CRACD: variants seen among roughly 807,000 people sequenced by gnomAD.
CRACD encodes the protein capping protein-inhibiting regulator of actin dynamics.
In CRACD, 56 loss-of-function variants were observed where a neutral mutation model predicts 106.8. The ratio of observed to expected loss-of-function variants is 0.52; its 90% CI spans 0.42 to 0.66. The LOEUF (loss-of-function observed/expected upper bound fraction) is 0.66, where lower values mean the gene tolerates loss of function less well. Ranked by LOEUF, CRACD falls within the 30% of genes least tolerant of loss-of-function variation. CRACD has a pLI of 0.00. For missense variants in CRACD, 1,730 were observed against 1,623.2 expected (o/e 1.07, Z -1.13); for synonymous variants, 754 against 670.8 (o/e 1.12, Z -1.92).
intron 3 of CRACD, among the ~76,000 whole-genome samples, chr4:56,295,660 CATATATATATATATATAT>C (rs57635563): frequency 0.059 from 6,427 of 108,958 alleles, 389 homozygotes; most frequent in African/African-American, 0.12. Flanking sequence ...AATTAGTAAA[CATATATATATATATATAT>C]ATATATATAT....
intron 1 of CRACD, among the ~76,000 whole-genome samples, chr4:56,053,189 C>G (rs943086611): frequency 3.9e-5 from 6 of 152,170 alleles, no homozygotes; most frequent in Admixed American, 6.5e-5. Context: ...CAAAATGAAG[C>G]CTTACAAGCT....
intron 3 of CRACD, among the ~76,000 whole-genome samples, chr4:56,291,414 C>T (rs1743697104): frequency 6.6e-6 from 1 of 152,150 alleles, no homozygotes; most frequent in Non-Finnish European, 1.5e-5. Flanking sequence ...CATGGTTCCA[C>T]CAAGCTCTGT....
At chr4:56,299,552 C>T (rs1744244794) in intron 4 of CRACD, among the ~76,000 whole-genome samples, 1 of 152,062 alleles carries the variant, frequency 6.6e-6, no homozygotes, top group Admixed American at 6.5e-5. Flanking sequence ...TGCCTGTAGT[C>T]CCAGCTTCTC....
intron 2 of CRACD, among the ~76,000 whole-genome samples, chr4:56,246,915 A>T (rs11930921): frequency 2.1e-3 from 325 of 152,324 alleles, no homozygotes; most frequent in African/African-American, 7.4e-3. Context: ...TATTAGTGCT[A>T]GTACTGGTAT....
Position 56,192,765 on chromosome 4 carries a change from C to A in CRACD, c.-189+13335C>A, listed in dbSNP as rs1737434938. On this transcript the variant is annotated intron_variant, in intron 2 of 10. Transcript: ENST00000682029. Reference sequence around the variant, plus strand: ...CCGGATTTTAAGTAGAATGAGAAGACCTTTTCCTGATCTGAAAAAAAGTGA... The same window carrying A: ...CCGGATTTTAAGTAGAATGAGAAGAACTTTTCCTGATCTGAAAAAAAGTGA... 3.3e-5 allele frequency among the ~76,000 whole-genome samples: 5 copies of A among 152,250 alleles called. No individual in the cohort carries two copies. In the South Asian group the frequency reaches 1.0e-3, roughly 32 times the overall value.
chr4:56,050,603 T>C (rs1178604244), intron 1 of CRACD, among the ~76,000 whole-genome samples: 1 of 152,190 alleles, frequency 6.6e-6, no homozygotes, highest in African/African-American at 2.4e-5. Flanking sequence ...CACTACTGTC[T>C]CCTTTATCCT....
chr4:56,287,657 G>C (rs1257565270), intron 3 of CRACD, among the ~76,000 whole-genome samples: 3 of 152,042 alleles, frequency 2.0e-5, no homozygotes, highest in African/African-American at 4.8e-5. Context: ...GAACTCCTGG[G>C]TTCAAACTAT....
intron 2 of CRACD, among the ~76,000 whole-genome samples, chr4:56,220,424 C>G (rs1420876126): frequency 6.6e-6 from 1 of 152,028 alleles, no homozygotes; most frequent in African/African-American, 2.4e-5. Context: ...GGTGTATGCC[C>G]AAGGATAAGT....
At chr4:56,114,573 C>A (rs895240493) in intron 1 of CRACD, among the ~76,000 whole-genome samples, 2 of 152,084 alleles carry the variant, frequency 1.3e-5, no homozygotes, top group East Asian at 3.9e-4. Flanking sequence ...AGAAAACAGA[C>A]CTTTTCTTAA....
chr4:56,186,116 T>C (rs1186039369), intron 2 of CRACD, among the ~76,000 whole-genome samples: 1 of 152,230 alleles, frequency 6.6e-6, no homozygotes, highest in Non-Finnish European at 1.5e-5. Flanking sequence ...CAAGATGAGT[T>C]GCACAGATGA....
chr4:56,125,764 C>CTTTTTTTTTTT (rs11289899), intron 1 of CRACD, among the ~76,000 whole-genome samples: 9 of 73,298 alleles, frequency 1.2e-4, no homozygotes, highest in Admixed American at 1.7e-4. Flanking sequence ...CATTCTTCTT[C>CTTTTTTTTTTT]TTTTTTTTTT....
intron 5 of CRACD, among the ~76,000 whole-genome samples, chr4:56,309,452 C>T (rs1203393707): frequency 6.6e-6 from 1 of 152,124 alleles, no homozygotes; most frequent in Admixed American, 6.5e-5. Context: ...CAGTATGGCT[C>T]ATACCTATAA....
intron 1 of CRACD, among the ~76,000 whole-genome samples, chr4:56,073,035 T>C (rs2109799570): frequency 6.6e-6 from 1 of 152,332 alleles, no homozygotes. Context: ...TTCCAAGTCT[T>C]TGCTATTGTG....
At chr4:56,154,758 G>C (rs190838893) in intron 1 of CRACD, among the ~76,000 whole-genome samples, 39 of 152,286 alleles carry the variant, frequency 2.6e-4, no homozygotes, top group Non-Finnish European at 4.9e-4. Flanking sequence ...GTGGGAAAAT[G>C]AGTCAGCAGA....
chr4:56,078,233 C>T (rs1010421739), intron 1 of CRACD, among the ~76,000 whole-genome samples: 1 of 151,918 alleles, frequency 6.6e-6, no homozygotes, highest in Non-Finnish European at 1.5e-5. Flanking sequence ...AACTCAGTAA[C>T]ATGAAACTGG....
At chr4:56,100,259 AG>A (rs972390284) in intron 1 of CRACD, among the ~76,000 whole-genome samples, 3 of 152,032 alleles carry the variant, frequency 2.0e-5, no homozygotes, top group Admixed American at 1.3e-4. Context: ...ACGGGGGGGA[AG>A]GGGTGGAAAG....
chr4:56,083,966 G>A (rs1482704132), intron 1 of CRACD, among the ~76,000 whole-genome samples: 1 of 152,178 alleles, frequency 6.6e-6, no homozygotes, highest in African/African-American at 2.4e-5. Flanking sequence ...GACAGAGTGA[G>A]ACCTTATCTC....
intron 2 of CRACD, among the ~76,000 whole-genome samples, chr4:56,240,558 G>A (rs1224903106): frequency 1.3e-5 from 2 of 152,158 alleles, no homozygotes; most frequent in Non-Finnish European, 2.9e-5. Flanking sequence ...AGGCAACAGT[G>A]CAGTAGCGTG....
chr4:56,180,898 A>G (rs1356927680), intron 2 of CRACD, among the ~76,000 whole-genome samples: 1 of 152,198 alleles, frequency 6.6e-6, no homozygotes, highest in East Asian at 1.9e-4. Context: ...GTTTTATTAG[A>G]TGGTGGGAGT....
Sources: gnomAD v4.1 joint callset for allele counts (sites outside exome capture counted in the v4.1 genomes callset) on GRCh38, gnomAD v4.1.1 for gene constraint, MANE v1.5 for transcripts, NCBI Gene and HGNC (gene_info 2026-07-23, HGNC 2026-07-21) for gene names.